The following TAF2 variants were observed in gnomAD, a reference collection of about 807,000 sequenced individuals.
TAF2 encodes transcription initiation factor TFIID subunit 2.
A neutral mutation model predicts 138.5 loss-of-function variants in TAF2; 61 were observed. The observed-to-expected ratio is 0.44, with a 90% CI of 0.36 to 0.54. The LOEUF is 0.54. Among genes scored for constraint, TAF2 ranks in the 20% least tolerant of loss-of-function variants. The pLI is 0.00. For synonymous variants in TAF2, 475 were observed against 469.9 expected, an observed-to-expected ratio of 1.01 and a Z score of -0.14; for missense variants, 1,090 against 1,427.9, an observed-to-expected ratio of 0.76 and a Z score of 3.81.
Position 119,762,578 on chromosome 8 carries a change from T to A in TAF2, c.2395A>T (p.Ile799Phe). 6.2e-7 allele frequency: 1 copy of A among 1,613,508 alleles called. No homozygotes were observed. The highest frequency in any genetic ancestry group is 8.5e-7 in the Non-Finnish European group (1 of 1,179,704). ...GTAACAGAGTTGGCCAGGGCATCAA[T>A]CATTTCTGCACGATAATAGTTATCT... The part of the protein sequence containing the change: ...FSDNYYRAEM[I>F]DALANSVTPA... The change falls in exon 19 of 26, where the codon ATT (isoleucine) becomes TTT (phenylalanine). Residue 799 changes from isoleucine (I) to phenylalanine (F), a missense_variant. Physicochemically the swap from Ile to Phe is conservative, Grantham distance 21. This residue lies in a region of TAF2 where 580 missense variants were observed against 719.6 expected (regional missense o/e 0.81). Transcript: ENST00000378164.
chr8:119,766,384 C>G (rs1051179280), intron 18 of TAF2, among the ~76,000 whole-genome samples: 1 of 152,098 alleles, frequency 6.6e-6, no homozygotes, highest in African/African-American at 2.4e-5. Flanking sequence ...AATTATCCAA[C>G]CCGAAATATT....
intron 15 of TAF2, among the ~76,000 whole-genome samples, chr8:119,784,307 C>A (rs1323031878): frequency 6.6e-6 from 1 of 152,172 alleles, no homozygotes; most frequent in Non-Finnish European, 1.5e-5. Flanking sequence ...GTAACCCCAG[C>A]ACTTTCGGAG....
intron 3 of TAF2, among the ~76,000 whole-genome samples, chr8:119,818,484 A>C (rs1363281584): frequency 6.6e-6 from 1 of 152,190 alleles, no homozygotes; most frequent in African/African-American, 2.4e-5. Flanking sequence ...AAGTGCCCTC[A>C]ACTGTACTTG....
chr8:119,797,260 C>G (rs760270866), intron 7 of TAF2, among the ~76,000 whole-genome samples, 157 bp from the exon 8 acceptor site: 1 of 152,090 alleles, frequency 6.6e-6, no homozygotes, highest in Non-Finnish European at 1.5e-5. Context: ...AATTCATCAT[C>G]TTAGTAACTT....
chr8:119,766,074 T>C (rs1353105725), intron 18 of TAF2, among the ~76,000 whole-genome samples: 1 of 152,234 alleles, frequency 6.6e-6, no homozygotes, highest in African/African-American at 2.4e-5. Context: ...TGATATACAC[T>C]ACAACTATGA....
chr8:119,814,634 C>G (rs1402511703), intron 3 of TAF2, among the ~76,000 whole-genome samples: 5 of 150,658 alleles, frequency 3.3e-5, no homozygotes, highest in African/African-American at 1.2e-4. Context: ...TGGCTCATGC[C>G]TGTAATCCCA....
chr8:119,745,720 A>G (rs1029993140), intron 23 of TAF2, among the ~76,000 whole-genome samples: 4 of 152,232 alleles, frequency 2.6e-5, no homozygotes, highest in South Asian at 2.1e-4. Flanking sequence ...TATGTATCCT[A>G]TAAGTCTTTC....
In TAF2 at chr8:119,799,110, T is replaced by C. The variant is rs371754586; in HGVS notation, c.793-1264A>G. Among the ~76,000 whole-genome samples the C allele has an allele frequency of 1.1e-4, 16 of 151,978 alleles. No individual in the cohort carries two copies. The East Asian group carries it at 3.1e-3, about 29-fold the overall frequency. ...CTCAGAGTAGAAAAAAAATTCTTCT[T>C]AAATACAAAATCGGTACTAATCAAA... On this transcript the variant is annotated intron_variant, in intron 6 of 25. Coordinates refer to ENST00000378164, the MANE Select transcript of TAF2 (RefSeq NM_003184.4).
At chr8:119,830,469 C>T (rs1826376016) in intron 2 of TAF2, among the ~76,000 whole-genome samples, 1 of 152,132 alleles carries the variant, frequency 6.6e-6, no homozygotes, top group African/African-American at 2.4e-5. Flanking sequence ...ACTAGACTCC[C>T]TAATTCCCTT....
chr8:119,791,533 T>C, intron 10 of TAF2, 74 bp from the exon 11 acceptor site: 1 of 1,522,576 alleles, frequency 6.6e-7, no homozygotes, highest in Non-Finnish European at 8.9e-7. Context: ...CATGACCACA[T>C]CAAGAAAATA....
At chr8:119,821,738 GTTA>G (rs1267275489) in intron 2 of TAF2, among the ~76,000 whole-genome samples, 1 of 152,136 alleles carries the variant, frequency 6.6e-6, no homozygotes, top group Admixed American at 6.5e-5. Flanking sequence ...GCCTATTAGT[GTTA>G]TTATGACAAC....
At chr8:119,828,025 G>A (rs1404740771) in intron 2 of TAF2, among the ~76,000 whole-genome samples, 2 of 152,044 alleles carry the variant, frequency 1.3e-5, no homozygotes, top group Non-Finnish European at 2.9e-5. Context: ...TTACAAGCGT[G>A]AGCCACTGCG....
intron 2 of TAF2, among the ~76,000 whole-genome samples, chr8:119,824,005 G>C (rs1266229860): frequency 6.6e-6 from 1 of 152,176 alleles, no homozygotes; most frequent in African/African-American, 2.4e-5. Context: ...AGATGATTTA[G>C]GGTATCTGGT....
chr8:119,750,223 C>A (rs993821366), intron 22 of TAF2, among the ~76,000 whole-genome samples: 1 of 152,162 alleles, frequency 6.6e-6, no homozygotes, highest in African/African-American at 2.4e-5. Flanking sequence ...CGCCTGTAGT[C>A]CCAGCTACTC....
chr8:119,779,362 A>T (rs56281801), intron 17 of TAF2, among the ~76,000 whole-genome samples: 45,055 of 151,866 alleles, frequency 0.3, 7,731 homozygotes, highest in African/African-American at 0.47. Flanking sequence ...TTATTTAAAA[A>T]AAAAATAAAA....
Position 119,819,341 on chromosome 8 carries a change from C to G in TAF2, c.299+5G>C. On this transcript the variant is annotated splice_donor_5th_base_variant and intron_variant, in intron 3 of 25. Coordinates refer to ENST00000378164, the MANE Select transcript of TAF2 (RefSeq NM_003184.4). ...AAATAGTGACTTTTAAAGTGCATAA[C>G]TTACTGTTTTGATTCACTGTGACAA... The G allele has an allele frequency of 6.2e-7, 1 of 1,612,204 alleles. No homozygotes were observed. Among genetic ancestry groups the G allele is most frequent in the Non-Finnish European group, 8.5e-7 (1 of 1,179,366 alleles).
At chr8:119,739,789 C>A (rs1357483106) in intron 25 of TAF2, among the ~76,000 whole-genome samples, 1 of 150,140 alleles carries the variant, frequency 6.7e-6, no homozygotes, top group Non-Finnish European at 1.5e-5. Context: ...AGATCACACG[C>A]CTTACTAAAA....
At chr8:119,764,397 A>T (rs984409736) in intron 18 of TAF2, among the ~76,000 whole-genome samples, 2 of 152,204 alleles carry the variant, frequency 1.3e-5, no homozygotes, top group African/African-American at 4.8e-5. Flanking sequence ...TTCAAAATGA[A>T]AACACAGTGA....
rs1255742849 is a variant in TAF2 at position 119,731,957 on chromosome 8, G to A, written c.3567C>T (p.Gly1189=). The A allele has an allele frequency of 2.5e-6, 4 of 1,614,086 alleles. No individual in the cohort carries two copies. The highest frequency in any genetic ancestry group is 2.2e-5 in the East Asian group (1 of 44,892). ...EPFTFSSPAS[G]RSIRSPSLSD is the part of the protein sequence containing the mutation. ...AAAGGGAAGGAGAACGAATAGACCT[G>A]CCACTGGCAGGGCTGGAGAAAGTGA... The change falls in exon 26 of 26, where the codon GGC becomes GGT. Residue 1189 remains glycine (G), a synonymous_variant. Transcript: ENST00000378164.
Sources: gnomAD v4.1 joint callset for allele counts (sites outside exome capture counted in the v4.1 genomes callset) on GRCh38, gnomAD v4.1.1 for gene constraint, gnomAD v4.1.1 regional missense constraint, MANE v1.5 for transcripts, NCBI Gene and HGNC (gene_info 2026-07-23, HGNC 2026-07-21) for gene names.